CFAP54: variants seen among roughly 807,000 people sequenced by gnomAD.
CFAP54 encodes the protein cilia and flagella associated protein 54.
Under a neutral mutation model 370.4 loss-of-function variants are expected in CFAP54, and 290 were observed. That is an observed-to-expected ratio of 0.78 (90% CI 0.71 to 0.86). The LOEUF is 0.86. CFAP54 is among the 40% of genes least tolerant of loss of function. CFAP54 has a pLI of 0.00. For missense variants in CFAP54, 3,399 were observed against 3,528.7 expected (o/e 0.96, Z 0.93); for synonymous variants, 1,206 against 1,236.5 (o/e 0.98, Z 0.52).
chr12:96,834,657 AAAG>A (rs1280684057), intron 66 of CFAP54, among the ~76,000 whole-genome samples: 4 of 152,218 alleles, frequency 2.6e-5, no homozygotes, highest in African/African-American at 7.2e-5. Flanking sequence ...GCAGGATCTC[AAAG>A]AAGAAGTAAC....
chr12:96,792,583 T>A (rs955814154), intron 63 of CFAP54, 84 bp downstream of exon 63: 1 of 1,048,072 alleles, frequency 9.5e-7, no homozygotes, highest in African/African-American at 1.6e-5. Flanking sequence ...GTAGAGGACA[T>A]TCTCTTATCA....
At chr12:96,568,145 CTTT>C (rs931001695) in intron 19 of CFAP54, among the ~76,000 whole-genome samples, 3 of 126,696 alleles carry the variant, frequency 2.4e-5, no homozygotes, top group African/African-American at 2.9e-5. Flanking sequence ...GTTCTATTTG[CTTT>C]TTTTTTTTTT....
chr12:96,743,087 A>T (rs1281240934), intron 52 of CFAP54, among the ~76,000 whole-genome samples: 3 of 152,158 alleles, frequency 2.0e-5, no homozygotes, highest in African/African-American at 7.2e-5. Context: ...GGCACATGTA[A>T]ATGTTAGTTC....
At chr12:96,823,118 T>TTGTCTGTGTGTGTGTG (rs1042206597) in intron 65 of CFAP54, among the ~76,000 whole-genome samples, 3 of 111,320 alleles carry the variant, frequency 2.7e-5, no homozygotes, top group Non-Finnish European at 5.7e-5. Flanking sequence ...TCGTGTGTGT[T>TTGTCTGTGTGTGTGTG]TGTCTGTGTG....
At chr12:96,696,689 G>A (rs1362559470) in intron 45 of CFAP54, among the ~76,000 whole-genome samples, 2 of 152,092 alleles carry the variant, frequency 1.3e-5, no homozygotes, top group Non-Finnish European at 2.9e-5. Flanking sequence ...CTGGTATCTG[G>A]TAGCAGTGCC....
At chr12:96,790,516 A>C (rs985025717) in intron 62 of CFAP54, among the ~76,000 whole-genome samples, 1 of 152,232 alleles carries the variant, frequency 6.6e-6, no homozygotes, top group African/African-American at 2.4e-5. Flanking sequence ...CTAATAAACA[A>C]TGCACATATT....
intron 17 of CFAP54, among the ~76,000 whole-genome samples, chr12:96,562,112 C>G (rs1378571389): frequency 6.6e-6 from 1 of 151,980 alleles, no homozygotes; most frequent in African/African-American, 2.4e-5. Context: ...ATCTCCAATT[C>G]TAACACTAAA....
chr12:96,691,322 G>C lies in CFAP54; in HGVS notation c.6264+12G>C, dbSNP rs1957385816. 3.2e-6 allele frequency: 5 copies of C among 1,552,484 alleles called. No individual in the cohort carries two copies. The South Asian group carries it at 4.9e-5, about 15-fold the overall frequency. ...GGCAAAACCTAATAGTAAGTAATTT[G>C]TAAAATAAAAATTATATATCACTGG... On this transcript the variant is annotated intron_variant, in intron 44 of 67. Transcript: ENST00000524981.
chr12:96,499,408 AC>A (rs1954997808), intron 1 of CFAP54, among the ~76,000 whole-genome samples: 1 of 152,192 alleles, frequency 6.6e-6, no homozygotes, highest in Non-Finnish European at 1.5e-5. Flanking sequence ...AATTAAAGCA[AC>A]AATAAGATAC....
At chr12:96,664,928 C>T (rs1957061353) in intron 39 of CFAP54, among the ~76,000 whole-genome samples, 1 of 151,190 alleles carries the variant, frequency 6.6e-6, no homozygotes, top group South Asian at 2.1e-4. Context: ...ATTTACACTC[C>T]CACTAACAAT....
At chr12:96,621,839 A>G (rs1956494273) in intron 27 of CFAP54, 118 bp downstream of exon 27, 3 of 395,070 alleles carry the variant, frequency 7.6e-6, no homozygotes, top group Admixed American at 1.0e-4. Flanking sequence ...ATATTTACAT[A>G]TAAGTAAAGT....
At chr12:96,688,518 A>G (rs1208770038) in intron 42 of CFAP54, among the ~76,000 whole-genome samples, 1 of 152,240 alleles carries the variant, frequency 6.6e-6, no homozygotes, top group African/African-American at 2.4e-5. Context: ...TCATATTTTT[A>G]TGTTATGGCA....
At chr12:96,634,264 C>G (rs957802915) in intron 32 of CFAP54, among the ~76,000 whole-genome samples, 2 of 151,694 alleles carry the variant, frequency 1.3e-5, no homozygotes, top group African/African-American at 4.8e-5. Flanking sequence ...CTATGTTGGT[C>G]AGGCTGGTCT....
At chr12:96,569,162 G>T (rs1369579815) in intron 19 of CFAP54, among the ~76,000 whole-genome samples, 1 of 152,142 alleles carries the variant, frequency 6.6e-6, no homozygotes, top group Non-Finnish European at 1.5e-5. Flanking sequence ...ATAGAAAGAG[G>T]CAGAAATGCT....
At chr12:96,564,397 C>T in intron 17 of CFAP54, 71 bp from the exon 18 acceptor site, 1 of 621,060 alleles carries the variant, frequency 1.6e-6, no homozygotes, top group South Asian at 2.0e-5. Flanking sequence ...ATAGTTACTC[C>T]TTAGTATTTA....
chr12:96,631,794 A>G (rs1956611464), intron 32 of CFAP54, among the ~76,000 whole-genome samples: 1 of 151,262 alleles, frequency 6.6e-6, no homozygotes, highest in Non-Finnish European at 1.5e-5. Flanking sequence ...AAACATTTAA[A>G]TTCTTTCTAA....
chr12:96,713,621 A>G (rs1957638421), intron 48 of CFAP54, among the ~76,000 whole-genome samples: 2 of 152,208 alleles, frequency 1.3e-5, no homozygotes, highest in Non-Finnish European at 2.9e-5. Context: ...CATAAATTAA[A>G]TGAATAAAGG....
In CFAP54 at chr12:96,662,449, C is replaced by T. The variant is rs186564500; in HGVS notation, c.5461-1381C>T. On this transcript the variant is annotated intron_variant, in intron 38 of 67. Coordinates refer to ENST00000524981, the MANE Select transcript of CFAP54 (RefSeq NM_001306084.2). ...TGAACTCCTGACCTCAGGTGATCCA[C>T]CTGCCTTGGCCTCCCAGAGTGCTGG... Among the ~76,000 whole-genome samples, 830 of 152,296 alleles carry T rather than the reference C, an allele frequency of 5.4e-3. 12 individuals carry two copies. The highest frequency in any genetic ancestry group is 0.019 in the African/African-American group (796 of 41,558).
chr12:96,545,136 C>T (rs921234192), intron 14 of CFAP54, among the ~76,000 whole-genome samples: 2 of 152,132 alleles, frequency 1.3e-5, no homozygotes, highest in East Asian at 3.9e-4. Context: ...TGGTCTTGAA[C>T]TCCTGACCTC....
Sources: allele counts gnomAD v4.1 joint callset (sites outside exome capture counted in the v4.1 genomes callset), GRCh38; gene constraint gnomAD v4.1.1; transcripts MANE v1.5; gene names NCBI Gene and HGNC (gene_info 2026-07-23, HGNC 2026-07-21).